ARHGAP15: variants seen among roughly 807,000 people sequenced by gnomAD.
ARHGAP15 encodes the protein rho GTPase-activating protein 15.
In ARHGAP15, 51 loss-of-function variants were observed where a neutral mutation model predicts 63.7. That is an observed-to-expected ratio of 0.80 (90% CI 0.64 to 1.01). The LOEUF is 1.01. Ranked by LOEUF, ARHGAP15 falls within the 50% of genes least tolerant of loss-of-function variation. ARHGAP15 has a pLI of 0.00. For synonymous variants in ARHGAP15, 191 were observed against 193.8 expected, an observed-to-expected ratio of 0.99 and a Z score of 0.12; for missense variants, 560 against 564.6, an observed-to-expected ratio of 0.99 and a Z score of 0.08.
chr2:143,743,705 C>T (rs1459651302), intron 13 of ARHGAP15, among the ~76,000 whole-genome samples: 1 of 152,136 alleles, frequency 6.6e-6, no homozygotes, highest in African/African-American at 2.4e-5. Context: ...TGGTATAAAA[C>T]ATATCAAGGG....
At chr2:143,667,582 T>TAAAAAA (rs71338146) in intron 12 of ARHGAP15, among the ~76,000 whole-genome samples, 2 of 138,950 alleles carry the variant, frequency 1.4e-5, no homozygotes, top group African/African-American at 5.7e-5. Context: ...TAAAAAAAAT[T>TAAAAAA]AAAAAAAAAA....
intron 13 of ARHGAP15, among the ~76,000 whole-genome samples, chr2:143,719,773 CCT>C (rs1193450566): frequency 6.6e-6 from 1 of 152,130 alleles, no homozygotes. Flanking sequence ...TACGCCCTGC[CCT>C]CTCTGACCTC....
chr2:143,637,615 T>C (rs1387143907), intron 12 of ARHGAP15, among the ~76,000 whole-genome samples: 1 of 152,068 alleles, frequency 6.6e-6, no homozygotes, highest in Non-Finnish European at 1.5e-5. Context: ...TCCAAGTCCA[T>C]ATTTACGTCC....
intron 6 of ARHGAP15, chr2:143,305,450 T>C (rs942476810): frequency 5.9e-5 from 9 of 152,222 alleles, no homozygotes; most frequent in Non-Finnish European, 1.0e-4. Flanking sequence ...TCTGCACATG[T>C]ATCCCAGAAC....
intron 9 of ARHGAP15, among the ~76,000 whole-genome samples, chr2:143,508,613 G>A (rs956835948): frequency 6.6e-6 from 1 of 152,176 alleles, no homozygotes; most frequent in Admixed American, 6.5e-5. Context: ...GTGTGCTGAC[G>A]TACATGTGTG....
intron 13 of ARHGAP15, among the ~76,000 whole-genome samples, chr2:143,726,241 G>T (rs1172511398): frequency 6.6e-6 from 1 of 152,148 alleles, no homozygotes; most frequent in African/African-American, 2.4e-5. Context: ...GGACTGGAAT[G>T]CACCCTACTT....
intron 8 of ARHGAP15, among the ~76,000 whole-genome samples, chr2:143,474,802 C>T (rs1691733990): frequency 6.6e-6 from 1 of 152,136 alleles, no homozygotes; most frequent in Admixed American, 6.5e-5. Flanking sequence ...ATGAACTGTG[C>T]CCAAGAATGG....
intron 8 of ARHGAP15, among the ~76,000 whole-genome samples, chr2:143,445,158 T>TTG (rs1690076300): frequency 8.2e-6 from 1 of 122,530 alleles, no homozygotes; most frequent in Non-Finnish European, 1.7e-5. Flanking sequence ...CAATTATTTT[T>TTG]TTTTTTTTTT....
intron 12 of ARHGAP15, chr2:143,656,073 C>G (rs1327582943): frequency 6.6e-6 from 1 of 152,008 alleles, no homozygotes; most frequent in Non-Finnish European, 1.5e-5. Flanking sequence ...TATAATATTT[C>G]TTAGTTATAA....
intron 13 of ARHGAP15, among the ~76,000 whole-genome samples, chr2:143,712,126 G>A (rs1684608809): frequency 6.6e-6 from 1 of 152,138 alleles, no homozygotes; most frequent in Non-Finnish European, 1.5e-5. Context: ...GAGATCCCCA[G>A]CTAAGGGAGT....
At chr2:143,181,929 A>G (rs1206533002) in intron 2 of ARHGAP15, among the ~76,000 whole-genome samples, 6 of 145,624 alleles carry the variant, frequency 4.1e-5, no homozygotes, top group African/African-American at 1.3e-4. Context: ...ACTAAACTTA[A>G]TAATTTCTAG....
intron 4 of ARHGAP15, 128 bp downstream of exon 4, chr2:143,216,573 G>T (rs1239591494): frequency 4.8e-6 from 3 of 618,834 alleles, no homozygotes; most frequent in African/African-American, 3.7e-5. Context: ...CTCTGCTACT[G>T]CTATGATCAA....
chr2:143,261,584 G>C (rs1680727637), intron 6 of ARHGAP15, among the ~76,000 whole-genome samples: 1 of 151,786 alleles, frequency 6.6e-6, no homozygotes, highest in Non-Finnish European at 1.5e-5. Flanking sequence ...CCTGATCTCA[G>C]GTGATTACCA....
At chr2:143,441,495 T>G (rs1689880771) in intron 8 of ARHGAP15, among the ~76,000 whole-genome samples, 1 of 152,208 alleles carries the variant, frequency 6.6e-6, no homozygotes, top group Non-Finnish European at 1.5e-5. Flanking sequence ...TCTAGTTTAT[T>G]CATTCATACA....
intron 12 of ARHGAP15, among the ~76,000 whole-genome samples, chr2:143,689,479 G>T (rs949499524): frequency 4.6e-5 from 7 of 152,076 alleles, no homozygotes; most frequent in Admixed American, 4.6e-4. Flanking sequence ...TGGAAATTTT[G>T]TTATGTTTAC....
intron 10 of ARHGAP15, among the ~76,000 whole-genome samples, chr2:143,530,605 A>T (rs916218859): frequency 1.0e-5 from 1 of 100,384 alleles, no homozygotes; most frequent in Admixed American, 1.0e-4. Flanking sequence ...TTTGTGTATA[A>T]TTTTTCCCAT....
intron 1 of ARHGAP15, among the ~76,000 whole-genome samples, chr2:143,154,063 G>T (rs1689981232): frequency 6.6e-6 from 1 of 151,364 alleles, no homozygotes; most frequent in Non-Finnish European, 1.5e-5. Flanking sequence ...AGACATATGG[G>T]TCTTCTTTTG....
intron 12 of ARHGAP15, among the ~76,000 whole-genome samples, chr2:143,652,292 A>C (rs1309002030): frequency 2.0e-5 from 3 of 152,074 alleles, no homozygotes; most frequent in Non-Finnish European, 4.4e-5. Flanking sequence ...CTACACTTGC[A>C]GTGCAAAAAA....
At chr2:143,170,848 T>G (rs1208841592) in intron 2 of ARHGAP15, among the ~76,000 whole-genome samples, 1 of 152,150 alleles carries the variant, frequency 6.6e-6, no homozygotes, top group Non-Finnish European at 1.5e-5. Flanking sequence ...TAGTCAGCAT[T>G]TTATGTGTTC....
Sources: allele counts gnomAD v4.1 joint callset (sites outside exome capture counted in the v4.1 genomes callset), GRCh38; gene constraint gnomAD v4.1.1; transcripts MANE v1.5; gene names NCBI Gene and HGNC (gene_info 2026-07-23, HGNC 2026-07-21).